The following ERC1 variants were observed in gnomAD, a reference collection of about 807,000 sequenced individuals.
ERC1 encodes RAB6 interacting protein 2.
Under a neutral mutation model 132.0 loss-of-function variants are expected in ERC1, and 56 were observed. That is an observed-to-expected ratio of 0.42 (90% CI 0.34 to 0.53). The LOEUF is 0.53. ERC1 is among the 20% of genes least tolerant of loss of function. The pLI is 0.03. For synonymous variants in ERC1, 478 were observed against 476.1 expected (o/e 1.00, Z -0.05); for missense variants, 1,202 against 1,349.9 (o/e 0.89, Z 1.72).
intron 8 of ERC1, among the ~76,000 whole-genome samples, chr12:1,173,772 A>G: frequency 6.6e-6 from 1 of 152,252 alleles, no homozygotes; most frequent in East Asian, 1.9e-4. Flanking sequence ...GGTAACATTC[A>G]TTCTTCAGCT....
intron 17 of ERC1, among the ~76,000 whole-genome samples, chr12:1,436,155 GAC>G (rs139467911): frequency 0.066 from 9,799 of 148,108 alleles, 688 homozygotes; most frequent in African/African-American, 0.17. Context: ...CAGACAGACG[GAC>G]ACACACACAC....
chr12:1,180,486 A>C lies in ERC1; in HGVS notation c.1738-54A>C, dbSNP rs187729570. On this transcript the variant is annotated intron_variant, in intron 8 of 18. Transcript: ENST00000360905. ...AAATTGAAATGATTTTGATTGTGCT[A>C]TTGTTTTTTTATACATGTCCTCTCT... 4,802 of 1,534,812 alleles carry C rather than the reference A, an allele frequency of 3.1e-3. 19 individuals carry two copies. The highest frequency in any genetic ancestry group is 0.011 in the Middle Eastern group (67 of 5,856).
chr12:1,158,675 A>G (rs954186114), intron 8 of ERC1, among the ~76,000 whole-genome samples: 1 of 149,680 alleles, frequency 6.7e-6, no homozygotes, highest in African/African-American at 2.5e-5. Context: ...CTGGTCTCGA[A>G]CTCCCGTCCT....
intron 4 of ERC1, among the ~76,000 whole-genome samples, chr12:1,107,056 A>C (rs1284288324): frequency 6.6e-6 from 1 of 152,164 alleles, no homozygotes; most frequent in Non-Finnish European, 1.5e-5. Flanking sequence ...GTAATCTTGA[A>C]GGTGATGCAA....
chr12:1,164,231 T>TTTTTATTTTATTTTATTTTA lies in ERC1; in HGVS notation c.1738-16292_1738-16273dup, dbSNP rs201747298. 7.8e-3 allele frequency among the ~76,000 whole-genome samples: 1,059 copies of TTTTTATTTTATTTTATTTTA among 136,086 alleles called. 24 individuals are homozygous for TTTTTATTTTATTTTATTTTA. Among genetic ancestry groups the TTTTTATTTTATTTTATTTTA allele is most frequent in the African/African-American group, 0.026 (933 of 35,304 alleles). The allele number at this position is 136,086 out of a possible 152,430, so 89.3% of individuals were successfully genotyped here. A position where few individuals can be genotyped will look rare whatever the true frequency, so the allele number is the denominator to read the frequency against. On this transcript the variant is annotated intron_variant, in intron 8 of 18. Coordinates refer to ENST00000360905, the MANE Select transcript of ERC1 (RefSeq NM_178040.4). ...GTCATAGTAGTCACAGAACCTGCCC[T>TTTTTATTTTATTTTATTTTA]TTTTATTTTATTTTATTTTATTTTA...
At chr12:1,327,681 A>G (rs2082548158) in intron 15 of ERC1, among the ~76,000 whole-genome samples, 1 of 152,166 alleles carries the variant, frequency 6.6e-6, no homozygotes, top group African/African-American at 2.4e-5. Flanking sequence ...ATCAGCCGCT[A>G]TTAATATATG....
chr12:1,402,967 C>G (rs2091200829), intron 16 of ERC1, among the ~76,000 whole-genome samples: 1 of 152,098 alleles, frequency 6.6e-6, no homozygotes, highest in Non-Finnish European at 1.5e-5. Flanking sequence ...TAAACTTTTT[C>G]TTTTAATAGC....
intron 15 of ERC1, among the ~76,000 whole-genome samples, chr12:1,314,228 A>G (rs910742324): frequency 5.9e-5 from 9 of 152,188 alleles, no homozygotes; most frequent in African/African-American, 2.2e-4. Flanking sequence ...CCATCCATGA[A>G]ATGAGAACAT....
intron 17 of ERC1, among the ~76,000 whole-genome samples, chr12:1,421,917 T>G (rs2092445720): frequency 1.3e-5 from 2 of 151,730 alleles, no homozygotes; most frequent in Non-Finnish European, 2.9e-5. Context: ...TCCCAGCTAC[T>G]TGGGAAGCTG....
intron 18 of ERC1, 53 bp from the exon 19 acceptor site, chr12:1,490,040 T>C: frequency 6.3e-7 from 1 of 1,575,718 alleles, no homozygotes; most frequent in Non-Finnish European, 8.7e-7. Flanking sequence ...AATTCTTAGC[T>C]CAGTGCAAAT....
rs564971510 is a variant in ERC1, at chr12:1,028,372, C to A, written c.469C>A (p.Gln157Lys). Residue 157 changes from glutamine to lysine, a missense_variant, in exon 2 of 19, where the codon CAG becomes AAG. By Grantham distance (53) the Gln-to-Lys change is moderately conservative (BLOSUM62 1). Coordinates refer to ENST00000360905, the MANE Select transcript of ERC1 (RefSeq NM_178040.4). ...TAACACAATCATGGATCTGCAGACA[C>A]AGCTGAAGGAAGTATTAAGAGAAAA... ...RDNTIMDLQT[Q>K]LKEVLRENDL... The A allele has an allele frequency of 3.1e-6, 5 of 1,614,134 alleles. No homozygotes were observed. The Admixed American group carries it at 5.0e-5, about 16-fold the overall frequency.
At chr12:1,262,405 A>G (rs2077198834) in intron 13 of ERC1, among the ~76,000 whole-genome samples, 1 of 152,206 alleles carries the variant, frequency 6.6e-6, no homozygotes, top group Non-Finnish European at 1.5e-5. Flanking sequence ...GGAATTGCTT[A>G]GTTGGCTGAT....
At chr12:1,207,178 G>T (rs571639807) in intron 12 of ERC1, among the ~76,000 whole-genome samples, 9 of 152,142 alleles carry the variant, frequency 5.9e-5, no homozygotes, top group Non-Finnish European at 8.8e-5. Context: ...ACTTTAAAAA[G>T]ATTTTTTACA....
Position 991,292 on chromosome 12 carries a change from A to AGCGCCCGGGCG in ERC1, c.-185_-184insGCCCGGGCGGC, listed in dbSNP as rs1592519571. ...GCGGCGGCGGCGGTGCCTGGGCGGC[A>AGCGCCCGGGCG]GCAGCAGCAGTAGCGGCAGCCCTGA... is the stretch of plus-strand genomic sequence containing the variant. On this transcript the variant is annotated 5_prime_UTR_variant, in exon 1 of 19. Transcript: ENST00000360905. 1 of 101,040 alleles carries AGCGCCCGGGCG rather than the reference A, an allele frequency of 9.9e-6. No individual in the cohort carries two copies. Among genetic ancestry groups the AGCGCCCGGGCG allele is most frequent in the Admixed American group, 1.0e-4 (1 of 9,832 alleles). 6.3% of individuals were successfully genotyped at this position (101,040 alleles called of 1,614,324 possible).
At chr12:1,345,988 G>A (rs1007128463) in intron 15 of ERC1, among the ~76,000 whole-genome samples, 4 of 152,072 alleles carry the variant, frequency 2.6e-5, no homozygotes, top group African/African-American at 9.7e-5. Context: ...GAATGTTCCC[G>A]GATGCTCTCT....
chr12:1,293,220 T>C (rs113792696), intron 15 of ERC1, among the ~76,000 whole-genome samples: 4,465 of 149,700 alleles, frequency 0.03, 252 homozygotes, highest in African/African-American at 0.1. Context: ...TTTGGGAGGC[T>C]GAGGCGGGCA....
At chr12:1,236,732 C>T (rs771285582) in intron 12 of ERC1, 37 bp from the exon 13 acceptor site, 3 of 1,598,026 alleles carry the variant, frequency 1.9e-6, no homozygotes, top group South Asian at 1.1e-5. Context: ...TCTATACATA[C>T]ATATGCAAAG....
chr12:1,444,839 A>G, intron 18 of ERC1, 89 bp downstream of exon 18: 1 of 1,226,312 alleles, frequency 8.2e-7, no homozygotes, highest in Non-Finnish European at 1.1e-6. Flanking sequence ...TGGGGAATCC[A>G]GTTGCCGTGT....
chr12:1,399,071 A>G (rs1358152602), intron 16 of ERC1, among the ~76,000 whole-genome samples: 1 of 150,804 alleles, frequency 6.6e-6, no homozygotes, highest in Non-Finnish European at 1.5e-5. Flanking sequence ...TCAGCCTCCA[A>G]AGTACCTGGG....
Sources: gnomAD v4.1 joint callset for allele counts (sites outside exome capture counted in the v4.1 genomes callset) on GRCh38, gnomAD v4.1.1 for gene constraint, MANE v1.5 for transcripts, NCBI Gene and HGNC (gene_info 2026-07-23, HGNC 2026-07-21) for gene names.